Variants in RMST observed in about 807,000 individuals in gnomAD.
RMST encodes the protein long intergenic non-protein coding RNA 54.
chr12:97,518,608 C>T (rs1227526045), intron 10 of RMST, among the ~76,000 whole-genome samples: 4 of 152,070 alleles, frequency 2.6e-5, no homozygotes, highest in Non-Finnish European at 5.9e-5. Context: ...GAATGTTAGG[C>T]GATTCTCAAG....
intron 9 of RMST, among the ~76,000 whole-genome samples, chr12:97,495,176 T>TGG (rs112974508): frequency 0.072 from 10,602 of 146,456 alleles, 1,307 homozygotes; most frequent in African/African-American, 0.26. Context: ...ATTATTCTTA[T>TGG]GGGGGGGGAG....
intron 10 of RMST, among the ~76,000 whole-genome samples, chr12:97,523,634 AT>A (rs950479751): frequency 1.8e-4 from 28 of 151,734 alleles, no homozygotes; most frequent in African/African-American, 5.6e-4. Flanking sequence ...GAATGATACA[AT>A]TTTTTTTTCT....
chr12:97,478,009 G>A (rs1874770798), intron 5 of RMST, among the ~76,000 whole-genome samples: 1 of 152,156 alleles, frequency 6.6e-6, no homozygotes. Flanking sequence ...AGTGAATAGA[G>A]CAGAAACAGA....
chr12:97,544,849 T>C (rs1882816101), intron 11 of RMST, among the ~76,000 whole-genome samples: 1 of 152,080 alleles, frequency 6.6e-6, no homozygotes, highest in Non-Finnish European at 1.5e-5. Context: ...ATATAATATG[T>C]ATTTGTTACC....
At chr12:97,512,792 T>A (rs1316375051) in intron 10 of RMST, among the ~76,000 whole-genome samples, 1 of 152,226 alleles carries the variant, frequency 6.6e-6, no homozygotes. Flanking sequence ...CCTGCACTCC[T>A]TAGCCCTTGG....
intron 13 of RMST, chr12:97,563,563 A>G: frequency 3.1e-6 from 1 of 319,132 alleles, no homozygotes; most frequent in Non-Finnish European, 6.0e-6. Flanking sequence ...AATTCTTCCC[A>G]GTGTCCTTTG....
chr12:97,551,150 G>T (rs1883277802), intron 11 of RMST, among the ~76,000 whole-genome samples: 1 of 148,058 alleles, frequency 6.8e-6, no homozygotes, highest in South Asian at 2.1e-4. Context: ...AGCATTAATG[G>T]CATTCATGGT....
intron 11 of RMST, among the ~76,000 whole-genome samples, chr12:97,558,397 C>T (rs1883860184): frequency 6.6e-6 from 1 of 152,202 alleles, no homozygotes; most frequent in South Asian, 2.1e-4. Flanking sequence ...CATAAGCTCA[C>T]ATTCAAATCT....
At chr12:97,536,640 C>T (rs1882099437) in intron 11 of RMST, among the ~76,000 whole-genome samples, 1 of 151,440 alleles carries the variant, frequency 6.6e-6, no homozygotes, top group Admixed American at 6.6e-5. Context: ...AAAGTAGGGA[C>T]ACTGAGCCCA....
chr12:97,474,355 C>T (rs543405215), intron 5 of RMST, among the ~76,000 whole-genome samples: 85 of 152,236 alleles, frequency 5.6e-4, no homozygotes, highest in African/African-American at 2.0e-3. Context: ...GAATGCCTTT[C>T]GTGCTCCCAA....
intron 11 of RMST, among the ~76,000 whole-genome samples, chr12:97,555,173 T>C (rs967017676): frequency 7.9e-5 from 12 of 152,224 alleles, no homozygotes; most frequent in Admixed American, 2.0e-4. Flanking sequence ...AAGGTTCTTA[T>C]TGCATCCAAG....
At chr12:97,523,844 G>C (rs1330552616) in intron 10 of RMST, among the ~76,000 whole-genome samples, 1 of 151,934 alleles carries the variant, frequency 6.6e-6, no homozygotes, top group African/African-American at 2.4e-5. Context: ...TTGGGAGGTC[G>C]AGGCGGGCGG....
At chr12:97,509,512 C>T (rs1879060318) in intron 10 of RMST, among the ~76,000 whole-genome samples, 1 of 152,160 alleles carries the variant, frequency 6.6e-6, no homozygotes, top group Admixed American at 6.5e-5. Context: ...GACAAACAGC[C>T]TGCCTTGTAG....
chr12:97,506,571 G>C (rs568584021), intron 10 of RMST, among the ~76,000 whole-genome samples: 2 of 151,404 alleles, frequency 1.3e-5, no homozygotes, highest in African/African-American at 2.4e-5. Context: ...AGAAAATTTA[G>C]TGTCAGAAAA....
intron 11 of RMST, chr12:97,533,115 T>C (rs1048868674): frequency 6.6e-6 from 1 of 151,770 alleles, no homozygotes; most frequent in Non-Finnish European, 1.5e-5. Context: ...ACGTTACAGA[T>C]AATTGGGAGC....
chr12:97,541,822 G>C (rs1882562942), intron 11 of RMST, among the ~76,000 whole-genome samples: 1 of 151,588 alleles, frequency 6.6e-6, no homozygotes, highest in Non-Finnish European at 1.5e-5. Context: ...TTGGATTAAA[G>C]TATTTTACTG....
intron 10 of RMST, among the ~76,000 whole-genome samples, chr12:97,513,848 A>G (rs1206744654): frequency 6.6e-6 from 1 of 152,194 alleles, no homozygotes; most frequent in Non-Finnish European, 1.5e-5. Context: ...GGAACTGTAT[A>G]GGTTATGTCC....
At chr12:97,499,657 C>CTTTTTTTTTTTTTTTTTT (rs540776298) in intron 10 of RMST, among the ~76,000 whole-genome samples, 1 of 131,910 alleles carries the variant, frequency 7.6e-6, no homozygotes, top group Admixed American at 7.7e-5. Flanking sequence ...TTTTTTCTTT[C>CTTTTTTTTTTTTTTTTTT]TTTTTTTTTT....
chr12:97,467,694 T>C (rs1241617648), intron 5 of RMST, among the ~76,000 whole-genome samples: 1 of 152,054 alleles, frequency 6.6e-6, no homozygotes, highest in East Asian at 1.9e-4. Context: ...ACTTATAGTT[T>C]CTTTCTGCCT....
Sources: allele counts gnomAD v4.1 joint callset (sites outside exome capture counted in the v4.1 genomes callset), GRCh38; gene constraint gnomAD v4.1.1; transcripts MANE v1.5; gene names NCBI Gene and HGNC (gene_info 2026-07-23, HGNC 2026-07-21).